The following ATOSA variants were observed in gnomAD, a reference collection of about 807,000 sequenced individuals.
The protein encoded by ATOSA is atos homolog A.
the ATOSA span, among the ~76,000 whole-genome samples, chr15:52,643,300 T>TA: frequency 3.9e-5 from 6 of 152,120 alleles, no homozygotes; most frequent in African/African-American, 1.4e-4. Context: ...TTGAACTTTT[T>TA]AAAAAAACTG....
the ATOSA span, among the ~76,000 whole-genome samples, chr15:52,667,117 G>C: frequency 6.6e-6 from 1 of 152,336 alleles, no homozygotes; most frequent in East Asian, 1.9e-4. Flanking sequence ...GTCAGCCTGA[G>C]ACTTTAGGTT....
chr15:52,619,438 T>C, the ATOSA span, among the ~76,000 whole-genome samples: 1 of 152,162 alleles, frequency 6.6e-6, no homozygotes, highest in Non-Finnish European at 1.5e-5. Context: ...AAATAAAGTT[T>C]GATTTTAGAG....
At chr15:52,652,129 G>A in the ATOSA span, 6 of 1,284,886 alleles carry the variant, frequency 4.7e-6, no homozygotes, top group Non-Finnish European at 5.1e-6. Flanking sequence ...AACCTCCCCT[G>A]CTCGCTAGGT....
the ATOSA span, chr15:52,585,012 G>A: frequency 7.5e-7 from 1 of 1,324,542 alleles, no homozygotes; most frequent in South Asian, 1.4e-5. Context: ...GAATGATTGT[G>A]CCAATAATCA....
At chr15:52,605,058 A>T in the ATOSA span, 1 of 1,012,718 alleles carries the variant, frequency 9.9e-7, no homozygotes, top group Non-Finnish European at 1.4e-6. Flanking sequence ...TTCAATTAAA[A>T]TTTGAATGAA....
chr15:52,659,779 G>A, the ATOSA span, among the ~76,000 whole-genome samples: 1 of 152,060 alleles, frequency 6.6e-6, no homozygotes, highest in Non-Finnish European at 1.5e-5. Context: ...CACTGAGGTG[G>A]GAGGTTTGCT....
chr15:52,692,783 C>T, the ATOSA span, among the ~76,000 whole-genome samples: 1 of 151,730 alleles, frequency 6.6e-6, no homozygotes, highest in South Asian at 2.1e-4. Flanking sequence ...TCTCTGCCTC[C>T]TGAGTAGGTG....
the ATOSA span, among the ~76,000 whole-genome samples, chr15:52,664,879 A>G: frequency 6.7e-5 from 10 of 148,332 alleles, 2 homozygotes; most frequent in South Asian, 2.3e-3. Context: ...TCAAGGGTGT[A>G]GTGACCTATG....
At chr15:52,588,042 G>T in the ATOSA span, among the ~76,000 whole-genome samples, 1 of 152,184 alleles carries the variant, frequency 6.6e-6, no homozygotes, top group Non-Finnish European at 1.5e-5. Context: ...TTAGGGTCAT[G>T]TCACTAGAGA....
chr15:52,597,300 T>G, the ATOSA span, among the ~76,000 whole-genome samples: 6 of 152,170 alleles, frequency 3.9e-5, no homozygotes, highest in African/African-American at 1.2e-4. Flanking sequence ...AAATGAAAAT[T>G]TATGTCCACA....
chr15:52,609,348 C>T, the ATOSA span: 1 of 1,613,948 alleles, frequency 6.2e-7, no homozygotes, highest in Non-Finnish European at 8.5e-7. Flanking sequence ...CATATGAACT[C>T]CTAAACACTT....
the ATOSA span, among the ~76,000 whole-genome samples, chr15:52,669,431 C>G: frequency 6.6e-6 from 1 of 152,156 alleles, no homozygotes; most frequent in Non-Finnish European, 1.5e-5. Flanking sequence ...ATTATACATT[C>G]TCTTACTGTT....
chr15:52,591,901 T>C, the ATOSA span, among the ~76,000 whole-genome samples: 1 of 152,298 alleles, frequency 6.6e-6, no homozygotes, highest in East Asian at 1.9e-4. Flanking sequence ...TCTTCATGCT[T>C]ATGACCCACA....
the ATOSA span, among the ~76,000 whole-genome samples, chr15:52,632,074 A>G: frequency 6.6e-6 from 1 of 152,186 alleles, no homozygotes; most frequent in Non-Finnish European, 1.5e-5. Context: ...TATTTCTTAA[A>G]TAAGTTTTCC....
At chr15:52,635,582 G>C in the ATOSA span, among the ~76,000 whole-genome samples, 1 of 152,154 alleles carries the variant, frequency 6.6e-6, no homozygotes, top group Non-Finnish European at 1.5e-5. Context: ...TGCAGTCCCA[G>C]CTACTTGGGA....
the ATOSA span, among the ~76,000 whole-genome samples, chr15:52,686,365 A>G: frequency 3.3e-5 from 5 of 152,352 alleles, no homozygotes; most frequent in Admixed American, 2.0e-4. Context: ...GTGCAATATA[A>G]ACTGATCGGG....
the ATOSA span, among the ~76,000 whole-genome samples, chr15:52,627,921 T>C: frequency 6.6e-6 from 1 of 152,152 alleles, no homozygotes; most frequent in Non-Finnish European, 1.5e-5. Context: ...CTCAATCTAA[T>C]GTAATTTTGA....
chr15:52,584,626 C>G, the ATOSA span: 1 of 824,166 alleles, frequency 1.2e-6, no homozygotes, highest in South Asian at 1.9e-5. Flanking sequence ...ATCAAGAGTT[C>G]CCAAGCTAAG....
chr15:52,664,475 C>G, the ATOSA span, among the ~76,000 whole-genome samples: 1 of 151,990 alleles, frequency 6.6e-6, no homozygotes, highest in Non-Finnish European at 1.5e-5. Context: ...AAAAGAATTG[C>G]TATTCCCATT....
Sources: gnomAD v4.1 joint callset for allele counts (sites outside exome capture counted in the v4.1 genomes callset) on GRCh38, gnomAD v4.1.1 for gene constraint, MANE v1.5 for transcripts, NCBI Gene and HGNC (gene_info 2026-07-23, HGNC 2026-07-21) for gene names.